Variants in FAM53B observed in about 807,000 individuals in gnomAD.
The protein encoded by FAM53B is protein FAM53B.
In FAM53B, 12 loss-of-function variants were observed where a neutral mutation model predicts 32.7. The ratio of observed to expected loss-of-function variants is 0.37; its 90% CI spans 0.24 to 0.59. The LOEUF (loss-of-function observed/expected upper bound fraction) is 0.59. Ranked by LOEUF, FAM53B falls within the 20% of genes least tolerant of loss-of-function variation. The pLI, the probability that FAM53B is intolerant of heterozygous loss-of-function variation, is 0.72. For missense variants in FAM53B, 477 were observed against 577.7 expected (o/e 0.83, Z 1.79); for synonymous variants, 234 against 228.7 (o/e 1.02, Z -0.21).
At chr10:124,657,223 AG>A (rs1949598842) in intron 4 of FAM53B, among the ~76,000 whole-genome samples, 1 of 150,322 alleles carries the variant, frequency 6.7e-6, no homozygotes, top group African/African-American at 2.4e-5. Context: ...ATTAAAAGAA[AG>A]GAAAAAAAAC....
At chr10:124,634,618 G>C (rs988939175) in intron 4 of FAM53B, among the ~76,000 whole-genome samples, 1 of 152,166 alleles carries the variant, frequency 6.6e-6, no homozygotes, top group Non-Finnish European at 1.5e-5. Context: ...AGTTTCCAGA[G>C]GCCTCCCCGG....
intron 1 of FAM53B, among the ~76,000 whole-genome samples, chr10:124,731,606 G>A (rs542268622): frequency 1.7e-4 from 25 of 147,964 alleles, no homozygotes; most frequent in Admixed American, 5.4e-4. Flanking sequence ...AATCTAAGAC[G>A]TTGAGCTCTA....
intron 4 of FAM53B, among the ~76,000 whole-genome samples, chr10:124,669,603 G>A (rs764195767): frequency 6.6e-6 from 1 of 152,200 alleles, no homozygotes; most frequent in Non-Finnish European, 1.5e-5. Context: ...CCCACGTGAG[G>A]ATGTCACCAT....
intron 1 of FAM53B, among the ~76,000 whole-genome samples, chr10:124,732,329 A>G (rs1333377519): frequency 6.6e-6 from 1 of 152,174 alleles, no homozygotes; most frequent in Admixed American, 6.5e-5. Context: ...CTATCCACCC[A>G]GAAACCGGGC....
intron 2 of FAM53B, among the ~76,000 whole-genome samples, chr10:124,705,042 C>A (rs934373509): frequency 1.6e-4 from 24 of 152,328 alleles, no homozygotes; most frequent in African/African-American, 5.8e-4. Flanking sequence ...GCAAACACAC[C>A]TCAGGTGCCT....
intron 4 of FAM53B, among the ~76,000 whole-genome samples, chr10:124,638,789 C>T (rs1490425381): frequency 6.6e-6 from 1 of 152,216 alleles, no homozygotes; most frequent in African/African-American, 2.4e-5. Context: ...CAGCACATCC[C>T]AGCACGTCCA....
At chr10:124,681,504 T>C (rs966504488) in intron 4 of FAM53B, 103 bp downstream of exon 4, 104 of 1,013,966 alleles carry the variant, frequency 1.0e-4, no homozygotes, top group Middle Eastern at 3.3e-4. Flanking sequence ...AACCCACTCC[T>C]GGGTATTTCT....
At chr10:124,687,986 T>C (rs970931450) in intron 3 of FAM53B, among the ~76,000 whole-genome samples, 13 of 152,208 alleles carry the variant, frequency 8.5e-5, no homozygotes, top group Non-Finnish European at 1.8e-4. Flanking sequence ...ATGTTTTGGT[T>C]TGGGCTAATT....
intron 4 of FAM53B, among the ~76,000 whole-genome samples, chr10:124,673,958 C>T (rs554224217): frequency 5.9e-5 from 9 of 152,356 alleles, no homozygotes; most frequent in South Asian, 2.1e-4. Flanking sequence ...AACGGGCTCA[C>T]AGTCACCACA....
intron 1 of FAM53B, chr10:124,714,129 C>T (rs1425139473): frequency 2.0e-5 from 3 of 152,094 alleles, no homozygotes; most frequent in Admixed American, 6.6e-5. Flanking sequence ...ATGCTGCAGT[C>T]AAGCTTCATA....
At chr10:124,633,202 T>TA (rs1949402692) in intron 4 of FAM53B, among the ~76,000 whole-genome samples, 1 of 108,462 alleles carries the variant, frequency 9.2e-6, no homozygotes, top group Non-Finnish European at 1.9e-5. Context: ...ACACAAAAGA[T>TA]AAAATACCCA....
chr10:124,731,717 G>A (rs546358086), intron 1 of FAM53B, among the ~76,000 whole-genome samples: 16 of 152,056 alleles, frequency 1.1e-4, no homozygotes, highest in Non-Finnish European at 2.2e-4. Flanking sequence ...CCCTTCTAGC[G>A]TGCGGGATTC....
At chr10:124,639,924 A>G (rs1314118563) in intron 4 of FAM53B, among the ~76,000 whole-genome samples, 2 of 152,180 alleles carry the variant, frequency 1.3e-5, no homozygotes, top group African/African-American at 4.8e-5. Flanking sequence ...ACTCCCACCG[A>G]GAGGCAGTGG....
chr10:124,673,368 G>A (rs1405529853), intron 4 of FAM53B, among the ~76,000 whole-genome samples: 1 of 152,202 alleles, frequency 6.6e-6, no homozygotes, highest in Non-Finnish European at 1.5e-5. Flanking sequence ...ATATCAAACA[G>A]GGTGTGGAAC....
chr10:124,736,485 C>T (rs764148773), intron 1 of FAM53B, among the ~76,000 whole-genome samples: 35 of 152,276 alleles, frequency 2.3e-4, no homozygotes, highest in Non-Finnish European at 4.6e-4. Context: ...CTGCAGAGAA[C>T]TTAGTCTTTC....
At chr10:124,646,958 C>T (rs551125680) in intron 4 of FAM53B, among the ~76,000 whole-genome samples, 13 of 152,294 alleles carry the variant, frequency 8.5e-5, no homozygotes, top group Admixed American at 2.0e-4. Flanking sequence ...GCCTCCTGGC[C>T]GGGCCATTCC....
chr10:124,732,621 G>A (rs1440143495), intron 1 of FAM53B, among the ~76,000 whole-genome samples: 1 of 152,210 alleles, frequency 6.6e-6, no homozygotes, highest in African/African-American at 2.4e-5. Context: ...CACTTTGGGA[G>A]GCCCAGGCGG....
rs539461936 is a variant in FAM53B at position 124,733,606 on chromosome 10, G to A, written c.-175+10407C>T. 2.6e-4 allele frequency among the ~76,000 whole-genome samples: 39 copies of A among 152,288 alleles called. No homozygotes were observed. Among genetic ancestry groups the A allele is most frequent in the African/African-American group, 6.3e-4 (26 of 41,560 alleles). On this transcript the variant is annotated intron_variant, in intron 1 of 4. Coordinates refer to ENST00000337318, the MANE Select transcript of FAM53B (RefSeq NM_014661.4). This position sits in a 1 kb window ranked among gnomAD's most constrained non-coding sequence, Gnocchi z 4.3. ...GAACTTTGACTTCTTTAGTTCCAGC[G>A]CAGCACAGACAAGAAGTTCTGGAAG...
At chr10:124,643,758 G>A (rs566114780) in intron 4 of FAM53B, among the ~76,000 whole-genome samples, 1 of 152,358 alleles carries the variant, frequency 6.6e-6, no homozygotes, top group South Asian at 2.1e-4. Context: ...GCTGCCCCCA[G>A]GAGCAGTGAG....
Sources: gnomAD v4.1 joint callset for allele counts (sites outside exome capture counted in the v4.1 genomes callset) on GRCh38, gnomAD v4.1.1 for gene constraint, Gnocchi (gnomAD v3.1) non-coding constraint, MANE v1.5 for transcripts, NCBI Gene and HGNC (gene_info 2026-07-23, HGNC 2026-07-21) for gene names.